VWA3A: variants seen among roughly 807,000 people sequenced by gnomAD.
The protein encoded by VWA3A is von Willebrand factor A domain containing 3A.
A neutral mutation model predicts 160.4 loss-of-function variants in VWA3A; 134 were observed. That is an observed-to-expected ratio of 0.84 (90% CI 0.73 to 0.96). The LOEUF is 0.96. VWA3A is among the 40% of genes least tolerant of loss of function. The pLI is 0.00. For synonymous variants in VWA3A, 476 were observed against 543.4 expected (o/e 0.88, Z 1.72); for missense variants, 1,310 against 1,447.9 (o/e 0.90, Z 1.55).
Position 22,096,951 on chromosome 16 carries a change from C to T in VWA3A, c.101+6C>T. 1.4e-6 allele frequency: 2 copies of T among 1,426,442 alleles called. No individual in the cohort carries two copies. The highest frequency in any genetic ancestry group is 1.9e-6 in the Non-Finnish European group (2 of 1,046,262). The allele number at this position is 1,426,442 out of a possible 1,614,324, so 88.4% of individuals were successfully genotyped here. A position where few individuals can be genotyped will look rare whatever the true frequency, so the allele number is the denominator to read the frequency against. On this transcript the variant is annotated splice_donor_region_variant and intron_variant, in intron 2 of 33. Transcript: ENST00000389398. ...ATGTTTCTGGAAAACCATTGGTAAG[C>T]ATAGTTCTCTGATTTTTTTTTTTTT...
chr16:22,129,529 C>T (rs992609691), intron 17 of VWA3A, among the ~76,000 whole-genome samples: 7 of 152,104 alleles, frequency 4.6e-5, no homozygotes, highest in African/African-American at 1.7e-4. Context: ...CCAAGAAGAA[C>T]AGATCTCTGA....
intron 8 of VWA3A, among the ~76,000 whole-genome samples, chr16:22,111,394 A>T (rs1185901781): frequency 1.3e-5 from 2 of 151,986 alleles, no homozygotes; most frequent in African/African-American, 4.8e-5. Context: ...ATCATAGCTC[A>T]TTGCAGCTTT....
intron 8 of VWA3A, among the ~76,000 whole-genome samples, chr16:22,113,143 A>G (rs965901074): frequency 1.3e-5 from 2 of 151,886 alleles, no homozygotes; most frequent in Non-Finnish European, 2.9e-5. Context: ...TATCTTTACC[A>G]TGTGTACTAT....
At chr16:22,132,578 C>A (rs1158328376) in intron 19 of VWA3A, among the ~76,000 whole-genome samples, 2 of 151,964 alleles carry the variant, frequency 1.3e-5, no homozygotes, top group Admixed American at 1.3e-4. Flanking sequence ...ACATACATAC[C>A]TACATAGTGC....
Position 22,155,606 on chromosome 16 carries a change from A to T in VWA3A, c.3445A>T (p.Ile1149Phe), listed in dbSNP as rs2046426620. ...ACCATTTGAAGGAGATGATTTAAGGATCCTGGCCCAGGAGATCACCAAGGC... is the reference window on the plus strand; with the variant it reads ...ACCATTTGAAGGAGATGATTTAAGGTTCCTGGCCCAGGAGATCACCAAGGC... ...LPPFEGDDLR[I>F]LAQEITKARS... is the part of the protein sequence containing the mutation. Residue 1149 changes from isoleucine (I) to phenylalanine (F), a missense_variant, in exon 32 of 34, where the codon ATC becomes TTC. Ile to Phe is a conservative substitution (Grantham distance 21). Coordinates refer to ENST00000389398, the MANE Select transcript of VWA3A (RefSeq NM_173615.5). 10 of 1,613,850 alleles carry T rather than the reference A, an allele frequency of 6.2e-6. No individual in the cohort carries two copies. Among genetic ancestry groups the T allele is most frequent in the Non-Finnish European group, 8.5e-6 (10 of 1,179,904 alleles).
chr16:22,141,437 G>A, intron 23 of VWA3A, 145 bp from the exon 24 acceptor site: 1 of 699,574 alleles, frequency 1.4e-6, no homozygotes, highest in Non-Finnish European at 2.5e-6. Context: ...TGGCGGGGGA[G>A]GACACAGGGT....
chr16:22,096,851 T>C lies in VWA3A; in HGVS notation c.15-8T>C. On this transcript the variant is annotated splice_polypyrimidine_tract_variant and splice_region_variant and intron_variant, in intron 1 of 33. Coordinates refer to ENST00000389398, the MANE Select transcript of VWA3A (RefSeq NM_173615.5). ...TATCCTGTTTTCTGGTATTCTTTTC[T>C]TCTTTAGGAAAATAAGCATTGGGTG... 2 of 1,529,812 alleles carry C rather than the reference T, an allele frequency of 1.3e-6. No homozygotes were observed. The highest frequency in any genetic ancestry group is 1.8e-6 in the Non-Finnish European group (2 of 1,127,518). 94.8% of individuals were successfully genotyped at this position (1,529,812 alleles called of 1,614,324 possible).
In VWA3A at chr16:22,096,939, A is replaced by C; in HGVS notation, c.95A>C (p.Asn32Thr). 6.5e-7 allele frequency: 1 copy of C among 1,538,418 alleles called. No homozygotes were observed. The highest frequency in any genetic ancestry group is 8.8e-7 in the Non-Finnish European group (1 of 1,136,502). The change falls in exon 2 of 34, where the codon AAC becomes ACC. Residue 32 changes from asparagine (N) to threonine (T), a missense_variant. Asn to Thr is a moderately conservative substitution (Grantham distance 65). Coordinates refer to ENST00000389398, the MANE Select transcript of VWA3A (RefSeq NM_173615.5). ...GGTCAAGAAAATATGTTTCTGGAAA[A>C]CCATTGGTAAGCATAGTTCTCTGAT... ...FHGQENMFLENHCIRRNTGRD... is the reference protein window; with the variant it reads ...FHGQENMFLETHCIRRNTGRD...
intron 22 of VWA3A, among the ~76,000 whole-genome samples, chr16:22,139,388 C>G (rs1991018): frequency 6.6e-6 from 1 of 152,172 alleles, no homozygotes; most frequent in Admixed American, 6.6e-5. Context: ...AATGAAGGAA[C>G]TCTTCCCTTA....
intron 24 of VWA3A, among the ~76,000 whole-genome samples, chr16:22,141,942 G>T (rs2046158689): frequency 6.6e-6 from 1 of 152,214 alleles, no homozygotes; most frequent in Admixed American, 6.5e-5. Flanking sequence ...GGGCACTCCA[G>T]CTCTGTCCAC....
rs1483855333 is a variant in VWA3A at position 22,116,154 on chromosome 16, AAAGG to A, written c.816-601_816-598del. 3.3e-5 allele frequency among the ~76,000 whole-genome samples: 5 copies of A among 149,632 alleles called. No homozygotes were observed. The East Asian group carries it at 9.7e-4, about 29-fold the overall frequency. Reference sequence around the variant, plus strand: ...AAGGAAAGAAAGGAGAGAGAAATAAAAAGGAAGAAAGAAAGAAACAAAGAATGAA... The same window carrying A: ...AAGGAAAGAAAGGAGAGAGAAATAAAAAGAAAGAAAGAAACAAAGAATGAA... On this transcript the variant is annotated intron_variant, in intron 9 of 33. Coordinates refer to ENST00000389398, the MANE Select transcript of VWA3A (RefSeq NM_173615.5).
intron 23 of VWA3A, 142 bp from the exon 24 acceptor site, chr16:22,141,440 C>A: frequency 1.4e-6 from 1 of 716,666 alleles, no homozygotes; most frequent in Non-Finnish European, 2.4e-6. Flanking sequence ...CGGGGGAGGA[C>A]ACAGGGTGCC....
At chr16:22,106,161 G>A (rs2045480259) in intron 6 of VWA3A, among the ~76,000 whole-genome samples, 1 of 152,086 alleles carries the variant, frequency 6.6e-6, no homozygotes, top group South Asian at 2.1e-4. Flanking sequence ...GAGGCAGATG[G>A]ATCACTTGAG....
chr16:22,139,329 C>T (rs374130503), intron 22 of VWA3A, among the ~76,000 whole-genome samples: 8 of 152,128 alleles, frequency 5.3e-5, no homozygotes, highest in Admixed American at 3.9e-4. Flanking sequence ...GCCGGGTGCT[C>T]CCCAGACAGT....
rs774221401 is a variant in VWA3A, at chr16:22,134,384, T to A, written c.2085T>A (p.Asp695Glu). The A allele has an allele frequency of 6.3e-7, 1 of 1,599,454 alleles. No homozygotes were observed. Among genetic ancestry groups the A allele is most frequent in the East Asian group, 2.2e-5 (1 of 44,550 alleles). Residue 695 changes from aspartate to glutamate, a missense_variant, in exon 21 of 34, where the codon GAT becomes GAA. Coordinates refer to ENST00000389398, the MANE Select transcript of VWA3A (RefSeq NM_173615.5). The part of the protein sequence containing the change: ...WFGDTGIYES[D>E]DINSIMSEME... The stretch of plus-strand genomic sequence containing the variant: ...TGTTTCCAGGCATTTATGAGAGCGA[T>A]GACATCAACTCCATCATGTCTGAGA...
At chr16:22,094,112 T>A (rs2045279034) in intron 1 of VWA3A, among the ~76,000 whole-genome samples, 1 of 152,048 alleles carries the variant, frequency 6.6e-6, no homozygotes, top group South Asian at 2.1e-4. Flanking sequence ...TTTGTTTATT[T>A]TATGCAGTTC....
At chr16:22,099,642 A>T (rs2045377408) in intron 3 of VWA3A, among the ~76,000 whole-genome samples, 1 of 152,218 alleles carries the variant, frequency 6.6e-6, no homozygotes, top group Non-Finnish European at 1.5e-5. Context: ...TTTCCCTTTG[A>T]GACAGACAGC....
chr16:22,108,998 T>C (rs1336207148), intron 6 of VWA3A, among the ~76,000 whole-genome samples: 3 of 152,252 alleles, frequency 2.0e-5, no homozygotes, highest in East Asian at 3.9e-4. Context: ...TATAGCAATA[T>C]GCCATCTCAA....
chr16:22,097,947 T>G (rs1253994737), intron 3 of VWA3A, among the ~76,000 whole-genome samples: 1 of 152,244 alleles, frequency 6.6e-6, no homozygotes, highest in Non-Finnish European at 1.5e-5. Context: ...CTGATCATGT[T>G]ATCAAGGCCT....
Sources: gnomAD v4.1 joint callset for allele counts (sites outside exome capture counted in the v4.1 genomes callset) on GRCh38, gnomAD v4.1.1 for gene constraint, MANE v1.5 for transcripts, NCBI Gene and HGNC (gene_info 2026-07-23, HGNC 2026-07-21) for gene names.